DSP: variants seen among roughly 807,000 people sequenced by gnomAD.
DSP encodes desmoplakin, also known as 250/210 kDa paraneoplastic pemphigus antigen.
A neutral mutation model predicts 290.6 loss-of-function variants in DSP; 114 were observed. That is an observed-to-expected ratio of 0.39 (90% confidence interval 0.34 to 0.46). DSP has a LOEUF of 0.46. Among genes scored for constraint, DSP ranks in the 20% least tolerant of loss-of-function variants. DSP has a pLI of 0.99. For synonymous variants in DSP, 1,311 were observed against 1,316.4 expected, an observed-to-expected ratio of 1.00 and a Z score of 0.09; for missense variants, 3,230 against 3,495.8, an observed-to-expected ratio of 0.92 and a Z score of 1.92.
Position 7,567,464 on chromosome 6 carries a change from T to G in DSP, c.1140+15T>G, listed in dbSNP as rs780514338. 1.9e-6 allele frequency: 3 copies of G among 1,604,884 alleles called. No individual in the cohort carries two copies. The highest frequency in any genetic ancestry group is 3.3e-5 in the Admixed American group (2 of 60,026). ...CCTACTTTCAGGTTTTTATATTTAG[T>G]GATAATTTTGTTGTTATTTAGGTCT... On this transcript the variant is annotated intron_variant, in intron 9 of 23. Transcript: ENST00000379802.
At chr6:7,542,144 C>G (rs1009701725) in intron 1 of DSP, 59 bp downstream of exon 1, 66 of 1,535,902 alleles carry the variant, frequency 4.3e-5, no homozygotes, top group Non-Finnish European at 5.5e-5. Flanking sequence ...AGGGACCGTC[C>G]TCCTCTGGAC....
rs1428325875 is a variant in DSP at position 7,571,493 on chromosome 6, C to T, written c.1812C>T (p.Asp604=). 2 of 1,614,058 alleles carry T rather than the reference C, an allele frequency of 1.2e-6. No individual in the cohort carries two copies. The highest frequency in any genetic ancestry group is 1.7e-6 in the Non-Finnish European group (2 of 1,180,040). Residue 604 remains aspartate (D), a synonymous_variant, in exon 14 of 24, where the codon GAC becomes GAT. Transcript: ENST00000379802. ...GCTCAGAGATGTTTGGAGATGATGA[C>T]AAGCGGAAAATACAGTCTCAGTTCA... The part of the protein sequence containing the change: ...SQGSEMFGDD[D]KRKIQSQFTD...
Position 7,565,521 on chromosome 6 carries a change from G to A in DSP, c.939+1G>A, listed in dbSNP as rs727504443. The A allele has an allele frequency of 5.0e-6, 8 of 1,613,744 alleles. No homozygotes were observed. The highest frequency in any genetic ancestry group is 2.7e-5 in the African/African-American group (2 of 74,886). On this transcript the variant is annotated splice_donor_variant, in intron 7 of 23. Transcript: ENST00000379802. LOFTEE classifies it high-confidence loss of function. The surrounding 1 kb of genome is among the most constrained non-coding windows in gnomAD (Gnocchi z 4.2). ...CGCTCAGAAACAGGAGGCCTTCTCC[G>A]TAAGTTCACCCCACGCGGCTGTAGA...
At chr6:7,568,050 T>A in intron 10 of DSP, 144 bp downstream of exon 10, 1 of 1,300,920 alleles carries the variant, frequency 7.7e-7, no homozygotes, top group South Asian at 1.3e-5. Context: ...TTCCAGTGGC[T>A]TTTCTCAAAA....
At chr6:7,570,988 A>C (rs1385977612) in intron 13 of DSP, among the ~76,000 whole-genome samples, 1 of 152,178 alleles carries the variant, frequency 6.6e-6, no homozygotes, top group Non-Finnish European at 1.5e-5. Context: ...TCATGGTCTG[A>C]AGAATCCTAG....
intron 4 of DSP, among the ~76,000 whole-genome samples, chr6:7,562,156 T>A (rs1364682319): frequency 6.6e-6 from 1 of 152,202 alleles, no homozygotes; most frequent in Non-Finnish European, 1.5e-5. Context: ...AAAAAGCCAA[T>A]AATTACATCC....
intron 12 of DSP, 76 bp from the exon 13 acceptor site, chr6:7,570,361 G>T (rs1759005309): frequency 6.2e-7 from 1 of 1,609,812 alleles, no homozygotes; most frequent in Non-Finnish European, 8.5e-7. Flanking sequence ...GCAGTGGTGT[G>T]AGCGTGTCCA....
At position 7,579,149 on chromosome 6, in the gene DSP, G is replaced by A. The variant is rs1185398257; in HGVS notation, c.3085-126G>A. On this transcript the variant is annotated intron_variant, in intron 22 of 23. Coordinates refer to ENST00000379802, the MANE Select transcript of DSP (RefSeq NM_004415.4). This position sits in a 1 kb window ranked among gnomAD's most constrained non-coding sequence, Gnocchi z 4.1. Reference sequence around the variant, plus strand: ...TTGAATATTTGCCTAGTCACTCTTTGCATGTATGTCCATGTGTGTAAAGAG... The same window carrying A: ...TTGAATATTTGCCTAGTCACTCTTTACATGTATGTCCATGTGTGTAAAGAG... 30 of 1,331,474 alleles carry A rather than the reference G, an allele frequency of 2.3e-5. No individual in the cohort carries two copies. The South Asian group carries it at 3.3e-4, about 14-fold the overall frequency. 82.5% of individuals were successfully genotyped at this position (1,331,474 alleles called of 1,614,324 possible).
At chr6:7,553,763 T>C (rs2744370) in intron 1 of DSP, among the ~76,000 whole-genome samples, 39,136 of 151,986 alleles carry the variant, frequency 0.26, 5,435 homozygotes, top group African/African-American at 0.35. Flanking sequence ...GGGGGCAGTC[T>C]TGGTTTCGAG....
At position 7,586,050 on chromosome 6, in the gene DSP, ATCT is replaced by A; in HGVS notation, c.*177_*179del. 1 of 698,912 alleles carries A rather than the reference ATCT, an allele frequency of 1.4e-6. No individual in the cohort carries two copies. Among genetic ancestry groups the A allele is most frequent in the Non-Finnish European group, 2.4e-6 (1 of 421,526 alleles). The allele number at this position is 698,912 out of a possible 1,614,324, so 43.3% of individuals were successfully genotyped here. A position where few individuals can be genotyped will look rare whatever the true frequency, so the allele number is the denominator to read the frequency against. ...ATAGTAAAGGCTGTTCTGGCTTTTT[ATCT>A]TCTTAGCTCATCTTAAATAAGCAGT... On this transcript the variant is annotated 3_prime_UTR_variant, in exon 24 of 24. Transcript: ENST00000379802.
chr6:7,585,537 C>G lies in DSP; in HGVS notation c.8275C>G (p.Arg2759Gly). 1.2e-6 allele frequency: 2 copies of G among 1,614,108 alleles called. No homozygotes were observed. Among genetic ancestry groups the G allele is most frequent in the South Asian group, 1.1e-5 (1 of 91,076 alleles). ...CATCCGGAAGGGGTTCATAGATGGC[C>G]GCGCCGCACAGAGGCTGCAAGACAC... ...EAIRKGFIDG[R>G]AAQRLQDTSS... The change falls in exon 24 of 24, where the codon CGC (arginine) becomes GGC (glycine). Residue 2759 changes from arginine to glycine, a missense_variant. Arg to Gly is a moderately radical substitution (Grantham distance 125). Transcript: ENST00000379802.
intron 15 of DSP, among the ~76,000 whole-genome samples, chr6:7,572,623 A>C (rs1374329584): frequency 6.6e-6 from 1 of 152,200 alleles, no homozygotes; most frequent in Non-Finnish European, 1.5e-5. Flanking sequence ...TCTTCCTTGA[A>C]TCCTTTACTT....
At position 7,580,113 on chromosome 6, in the gene DSP, G is replaced by C. The variant is rs184154918; in HGVS notation, c.3923G>C (p.Arg1308Pro). 1.2e-6 allele frequency: 2 copies of C among 1,614,002 alleles called. No homozygotes were observed. The highest frequency in any genetic ancestry group is 1.7e-6 in the Non-Finnish European group (2 of 1,179,966). Reference protein sequence around the residue: ...VMQQRSEDNARHKQSLEEAAK... With the variant: ...VMQQRSEDNAPHKQSLEEAAK... ...CAGCAGCGCTCTGAGGACAATGCCC[G>C]GCACAAGCAGTCCCTGGAGGAGGCT... Residue 1308 changes from arginine to proline, a missense_variant, in exon 23 of 24, where the codon CGG becomes CCG. Arg to Pro is a moderately radical substitution (Grantham distance 103, BLOSUM62 -2). This residue lies in a region of DSP where 1,714 missense variants were observed against 1,844.5 expected (regional missense o/e 0.93). Coordinates refer to ENST00000379802, the MANE Select transcript of DSP (RefSeq NM_004415.4). The surrounding 1 kb of genome is among the most constrained non-coding windows in gnomAD (Gnocchi z 4.2).
At chr6:7,563,341 A>G (rs1758761218) in intron 5 of DSP, among the ~76,000 whole-genome samples, 1 of 142,338 alleles carries the variant, frequency 7.0e-6, no homozygotes, top group South Asian at 2.2e-4. Flanking sequence ...ACCTGAGACC[A>G]TAGCTTCTCA....
At chr6:7,566,907 G>C (rs575755007) in intron 8 of DSP, among the ~76,000 whole-genome samples, 1 of 152,334 alleles carries the variant, frequency 6.6e-6, no homozygotes, top group African/African-American at 2.4e-5. Context: ...TGGCCATACT[G>C]CTTGTTAAAA....
rs36087964 is a variant in DSP at position 7,542,041 on chromosome 6, T to C, written c.126T>C (p.Tyr42=). 0.057 allele frequency: 89,776 copies of C among 1,575,704 alleles called. 2,758 individuals are homozygous for C. Among genetic ancestry groups the C allele is most frequent in the African/African-American group, 0.1 (7,643 of 74,078 alleles). ...SGGGGTSRMY[Y]SRRGVITDQN... Reference sequence around the variant, plus strand: ...GCGGGGGCACCAGCAGGATGTACTATTCTCGGCGCGGCGTGATCACCGACC... The same window carrying C: ...GCGGGGGCACCAGCAGGATGTACTACTCTCGGCGCGGCGTGATCACCGACC... Residue 42 remains tyrosine (Y), a synonymous_variant, in exon 1 of 24, where the codon TAT becomes TAC. Coordinates refer to ENST00000379802, the MANE Select transcript of DSP (RefSeq NM_004415.4).
At chr6:7,566,760 G>A (rs989832336) in intron 8 of DSP, among the ~76,000 whole-genome samples, 7 of 152,186 alleles carry the variant, frequency 4.6e-5, no homozygotes, top group African/African-American at 1.7e-4. Context: ...GAATGAGTGT[G>A]CCTGTATTCC....
At chr6:7,552,582 G>T (rs909768125) in intron 1 of DSP, among the ~76,000 whole-genome samples, 1 of 132,388 alleles carries the variant, frequency 7.6e-6, no homozygotes, top group African/African-American at 2.7e-5. Flanking sequence ...AAAAAAAAAA[G>T]AACATATGGA....
At chr6:7,581,609 A>G (rs763565712) in intron 23 of DSP, 40 bp downstream of exon 23, 2 of 1,607,664 alleles carry the variant, frequency 1.2e-6, no homozygotes, top group Non-Finnish European at 1.7e-6. Context: ...CTGTTTCTCA[A>G]ATTATTCATC....
Sources: allele counts gnomAD v4.1 joint callset (sites outside exome capture counted in the v4.1 genomes callset), GRCh38; gene constraint gnomAD v4.1.1; regional missense constraint gnomAD v4.1.1; non-coding constraint Gnocchi (gnomAD v3.1); transcripts MANE v1.5; gene names NCBI Gene and HGNC (gene_info 2026-07-23, HGNC 2026-07-21).